Variants in SHISA9 observed in about 807,000 individuals in gnomAD.
SHISA9 encodes shisa family member 9.
In SHISA9, 13 loss-of-function variants were observed where a neutral mutation model predicts 38.0. The observed-to-expected ratio is 0.34, with a 90% CI of 0.22 to 0.54. SHISA9 has a LOEUF of 0.54. Ranked by LOEUF, SHISA9 falls within the 20% of genes least tolerant of loss-of-function variation. The pLI, the probability that SHISA9 is intolerant of heterozygous loss-of-function variation, is 0.91. For missense variants in SHISA9, 538 were observed against 575.8 expected (o/e 0.93, Z 0.67); for synonymous variants, 275 against 242.0 (o/e 1.14, Z -1.27).
At chr16:13,172,560 T>G (rs752141402) in intron 2 of SHISA9, among the ~76,000 whole-genome samples, 22 of 152,192 alleles carry the variant, frequency 1.4e-4, no homozygotes, top group Non-Finnish European at 3.1e-4. Flanking sequence ...CTCCTCAGTT[T>G]CTTTTTTGTG....
At chr16:13,052,859 T>C (rs2141900844) in intron 2 of SHISA9, among the ~76,000 whole-genome samples, 1 of 152,282 alleles carries the variant, frequency 6.6e-6, no homozygotes, top group South Asian at 2.1e-4. Flanking sequence ...TTCCCATCTT[T>C]GGTTGGGGAA....
chr16:13,357,412 A>G, the SHISA9 span, among the ~76,000 whole-genome samples: 1 of 152,130 alleles, frequency 6.6e-6, no homozygotes, highest in Non-Finnish European at 1.5e-5. Flanking sequence ...GAAGAGAGTA[A>G]AAAGAGGCCG....
chr16:12,936,680 C>A (rs1218990265), intron 2 of SHISA9, among the ~76,000 whole-genome samples: 1 of 152,176 alleles, frequency 6.6e-6, no homozygotes, highest in Non-Finnish European at 1.5e-5. Flanking sequence ...AAACACAAGC[C>A]AGTTACTTCA....
At chr16:12,991,144 C>T (rs1344529856) in intron 2 of SHISA9, among the ~76,000 whole-genome samples, 1 of 152,072 alleles carries the variant, frequency 6.6e-6, no homozygotes, top group African/African-American at 2.4e-5. Context: ...TTTTTATATG[C>T]TTATTCATTG....
intron 2 of SHISA9, among the ~76,000 whole-genome samples, chr16:13,005,345 G>C (rs866478379): frequency 5.9e-5 from 9 of 152,174 alleles, no homozygotes; most frequent in African/African-American, 1.9e-4. Context: ...AGGAAATATA[G>C]AAGATGCTGG....
At chr16:13,540,805 A>G in the SHISA9 span, among the ~76,000 whole-genome samples, 1 of 152,184 alleles carries the variant, frequency 6.6e-6, no homozygotes, top group Non-Finnish European at 1.5e-5. Context: ...AATATTTATT[A>G]TTATTACTGC....
chr16:13,348,370 T>C, the SHISA9 span, among the ~76,000 whole-genome samples: 1 of 152,122 alleles, frequency 6.6e-6, no homozygotes, highest in African/African-American at 2.4e-5. Flanking sequence ...TGGATTTTTT[T>C]GATTACAGAG....
At chr16:13,436,547 T>C in the SHISA9 span, among the ~76,000 whole-genome samples, 1 of 152,184 alleles carries the variant, frequency 6.6e-6, no homozygotes, top group Non-Finnish European at 1.5e-5. Flanking sequence ...AATCAGCAGC[T>C]CTCAGGGGCT....
chr16:13,367,835 C>T, the SHISA9 span, among the ~76,000 whole-genome samples: 1 of 151,912 alleles, frequency 6.6e-6, no homozygotes, highest in Non-Finnish European at 1.5e-5. Flanking sequence ...TCATTAGCCT[C>T]CTAGCTCCCA....
intron 2 of SHISA9, among the ~76,000 whole-genome samples, chr16:13,183,027 G>A (rs1054000245): frequency 1.3e-5 from 2 of 152,156 alleles, no homozygotes; most frequent in African/African-American, 4.8e-5. Flanking sequence ...TCTACACGTG[G>A]CTATTCATGT....
rs190620802 is a variant in SHISA9 at position 13,166,955 on chromosome 16, C to T, written c.692-36439C>T. Among the ~76,000 whole-genome samples the T allele has an allele frequency of 2.7e-3, 417 of 152,138 alleles. 14 individuals are homozygous for T. The South Asian group carries it at 0.078, about 28-fold the overall frequency. ...TACCTATGTCACAAACCTGCACATC[C>T]TGCACATGTACCCTGGAACTTCAAA... On this transcript the variant is annotated intron_variant, in intron 2 of 4. Transcript: ENST00000558583.
the SHISA9 span, chr16:13,562,578 C>T: frequency 7.5e-6 from 1 of 133,524 alleles, no homozygotes; most frequent in Non-Finnish European, 1.5e-5. Flanking sequence ...TACAGTGAGT[C>T]AAGATCATGC....
chr16:13,043,258 G>A (rs1014799425), intron 2 of SHISA9, among the ~76,000 whole-genome samples: 3 of 152,286 alleles, frequency 2.0e-5, no homozygotes, highest in East Asian at 1.9e-4. Flanking sequence ...GGCCTGTCCC[G>A]GAAGTGGATA....
At chr16:13,009,397 C>T (rs1334875775) in intron 2 of SHISA9, among the ~76,000 whole-genome samples, 1 of 152,116 alleles carries the variant, frequency 6.6e-6, no homozygotes, top group Non-Finnish European at 1.5e-5. Flanking sequence ...TGAGAATGCA[C>T]ACACCTTGCT....
At chr16:13,457,081 C>G in the SHISA9 span, among the ~76,000 whole-genome samples, 7 of 152,316 alleles carry the variant, frequency 4.6e-5, no homozygotes, top group South Asian at 1.5e-3. Flanking sequence ...CCAAGGCGGG[C>G]GGATCACCTG....
chr16:12,979,196 C>T (rs963296977), intron 2 of SHISA9, among the ~76,000 whole-genome samples: 2 of 152,190 alleles, frequency 1.3e-5, no homozygotes, highest in East Asian at 3.8e-4. Context: ...TGGTCTTTGC[C>T]TGATCTCACT....
chr16:12,927,573 G>T (rs1040713495), intron 2 of SHISA9, among the ~76,000 whole-genome samples: 9 of 150,124 alleles, frequency 6.0e-5, no homozygotes, highest in Non-Finnish European at 8.9e-5. Flanking sequence ...AATTTTTTTT[G>T]ATTTTTTTTT....
intron 2 of SHISA9, among the ~76,000 whole-genome samples, chr16:13,012,778 C>G (rs907078632): frequency 1.3e-5 from 2 of 152,202 alleles, no homozygotes; most frequent in African/African-American, 4.8e-5. Flanking sequence ...TTGCCCATTA[C>G]TGCTGCCTTG....
At chr16:13,382,170 C>T in the SHISA9 span, among the ~76,000 whole-genome samples, 1 of 152,118 alleles carries the variant, frequency 6.6e-6, no homozygotes, top group Non-Finnish European at 1.5e-5. Flanking sequence ...TTTAGCATTT[C>T]TACAATGAAG....
Sources: gnomAD v4.1 joint callset for allele counts (sites outside exome capture counted in the v4.1 genomes callset) on GRCh38, gnomAD v4.1.1 for gene constraint, MANE v1.5 for transcripts, NCBI Gene and HGNC (gene_info 2026-07-23, HGNC 2026-07-21) for gene names.